The following SCHIP1 variants were observed in gnomAD, a reference collection of about 807,000 sequenced individuals.
The protein encoded by SCHIP1 is schwannomin-interacting protein 1.
In SCHIP1, 8 loss-of-function variants were observed where a neutral mutation model predicts 29.7. The ratio of observed to expected loss-of-function variants is 0.27; its 90% CI spans 0.16 to 0.49. The LOEUF is 0.49. Ranked by LOEUF, SCHIP1 falls within the 20% of genes least tolerant of loss-of-function variation. SCHIP1 has a pLI of 0.99. For synonymous variants in SCHIP1, 76 were observed against 94.9 expected (o/e 0.80, Z 1.16); for missense variants, 193 against 294.6 (o/e 0.66, Z 2.52).
chr3:159,423,850 T>G, the SCHIP1 span, among the ~76,000 whole-genome samples: 1 of 151,946 alleles, frequency 6.6e-6, no homozygotes. Context: ...CGGATACTCC[T>G]CTGAGACAAA....
the SCHIP1 span, among the ~76,000 whole-genome samples, chr3:159,407,613 A>G: frequency 2.6e-5 from 4 of 152,246 alleles, no homozygotes; most frequent in Non-Finnish European, 5.9e-5. Context: ...GATCATTTTC[A>G]AGGATAGATC....
At chr3:159,687,788 C>T in the SCHIP1 span, among the ~76,000 whole-genome samples, 1 of 152,140 alleles carries the variant, frequency 6.6e-6, no homozygotes, top group Non-Finnish European at 1.5e-5. Flanking sequence ...GTGTGATGTT[C>T]CCCTTCCTGT....
the SCHIP1 span, among the ~76,000 whole-genome samples, chr3:159,366,525 G>A: frequency 0.028 from 4,140 of 148,570 alleles, 77 homozygotes; most frequent in East Asian, 0.11. Context: ...TCAGTTCCCT[G>A]ATCTGTAAAA....
chr3:159,380,478 T>A, the SCHIP1 span, among the ~76,000 whole-genome samples: 1 of 152,226 alleles, frequency 6.6e-6, no homozygotes, highest in Non-Finnish European at 1.5e-5. Context: ...TCGTAAAAAA[T>A]AAGATTAATT....
the SCHIP1 span, among the ~76,000 whole-genome samples, chr3:159,833,469 T>G: frequency 6.6e-6 from 1 of 152,230 alleles, no homozygotes; most frequent in Non-Finnish European, 1.5e-5. Context: ...ATTGAGCTCA[T>G]CTGGATAACC....
At chr3:159,424,024 A>G in the SCHIP1 span, among the ~76,000 whole-genome samples, 7 of 145,266 alleles carry the variant, frequency 4.8e-5, no homozygotes, top group African/African-American at 1.7e-4. Context: ...GAAAACTAAC[A>G]AACAGAAAGG....
the SCHIP1 span, among the ~76,000 whole-genome samples, chr3:159,340,774 G>C: frequency 6.6e-6 from 1 of 152,012 alleles, no homozygotes; most frequent in Admixed American, 6.6e-5. Context: ...TTTTCTGTGT[G>C]CATTATAATT....
chr3:159,774,954 C>CT, the SCHIP1 span, among the ~76,000 whole-genome samples: 2 of 151,780 alleles, frequency 1.3e-5, no homozygotes, highest in African/African-American at 2.4e-5. Context: ...CATTTTTTTT[C>CT]TTTTTTTTCT....
chr3:159,686,608 A>C, the SCHIP1 span, among the ~76,000 whole-genome samples: 1 of 152,244 alleles, frequency 6.6e-6, no homozygotes, highest in Admixed American at 6.5e-5. Context: ...TTGAAGATAC[A>C]GGAAGGCACA....
chr3:159,556,535 T>C, the SCHIP1 span, among the ~76,000 whole-genome samples: 21 of 151,994 alleles, frequency 1.4e-4, no homozygotes, highest in African/African-American at 4.8e-4. Flanking sequence ...CCAACAATGA[T>C]AGACTGGATT....
At chr3:159,386,609 A>G in the SCHIP1 span, 1 of 152,222 alleles carries the variant, frequency 6.6e-6, no homozygotes, top group Non-Finnish European at 1.5e-5. Flanking sequence ...AAAAGAACAA[A>G]GCTGGAGACA....
the SCHIP1 span, among the ~76,000 whole-genome samples, chr3:159,536,410 A>G: frequency 6.6e-6 from 1 of 152,210 alleles, no homozygotes; most frequent in East Asian, 1.9e-4. Flanking sequence ...AATGGAAATT[A>G]GCCAGTCAGC....
the SCHIP1 span, among the ~76,000 whole-genome samples, chr3:159,532,939 C>T: frequency 6.6e-6 from 1 of 152,068 alleles, no homozygotes; most frequent in African/African-American, 2.4e-5. Flanking sequence ...TGAGTATGAC[C>T]AACAAGTATG....
At chr3:159,561,270 T>C in the SCHIP1 span, among the ~76,000 whole-genome samples, 3 of 152,226 alleles carry the variant, frequency 2.0e-5, no homozygotes, top group Non-Finnish European at 4.4e-5. Flanking sequence ...GTACAGAAGC[T>C]AATCAGGAGA....
chr3:159,287,501 T>C, the SCHIP1 span, among the ~76,000 whole-genome samples: 1 of 152,092 alleles, frequency 6.6e-6, no homozygotes, highest in African/African-American at 2.4e-5. Context: ...AAAATTTTAA[T>C]GAATATATAG....
chr3:159,540,307 A>G, the SCHIP1 span, among the ~76,000 whole-genome samples: 5 of 152,114 alleles, frequency 3.3e-5, no homozygotes, highest in Admixed American at 2.6e-4. Context: ...TTGAATCTGT[A>G]CATTTTCACT....
chr3:159,658,323 T>A, the SCHIP1 span, among the ~76,000 whole-genome samples: 2 of 152,178 alleles, frequency 1.3e-5, no homozygotes, highest in Non-Finnish European at 2.9e-5. Context: ...GTAGTTAGAT[T>A]CTTAGGTCAG....
chr3:159,673,716 C>G, the SCHIP1 span, among the ~76,000 whole-genome samples: 1 of 152,166 alleles, frequency 6.6e-6, no homozygotes, highest in African/African-American at 2.4e-5. Flanking sequence ...GAGGGGAGAG[C>G]TGAGGGAGAA....
chr3:159,292,075 A>G, the SCHIP1 span, among the ~76,000 whole-genome samples: 1 of 152,278 alleles, frequency 6.6e-6, no homozygotes, highest in African/African-American at 2.4e-5. Context: ...TGATGACAAC[A>G]TAGGCCATAA....
Sources: gnomAD v4.1 joint callset for allele counts (sites outside exome capture counted in the v4.1 genomes callset) on GRCh38, gnomAD v4.1.1 for gene constraint, MANE v1.5 for transcripts, NCBI Gene and HGNC (gene_info 2026-07-23, HGNC 2026-07-21) for gene names.